Variants in TICRR observed in about 807,000 individuals in gnomAD.
TICRR encodes TOPBP1 interacting checkpoint and replication regulator.
A neutral mutation model predicts 178.1 loss-of-function variants in TICRR; 132 were observed. That is an observed-to-expected ratio of 0.74 (90% CI 0.64 to 0.86). The LOEUF is 0.86. TICRR is among the 40% of genes least tolerant of loss of function. The pLI is 0.00. For missense variants in TICRR, 2,587 were observed against 2,334.3 expected (o/e 1.11, Z -2.23); for synonymous variants, 991 against 900.7 (o/e 1.10, Z -1.79).
chr15:89,611,810 C>CT (rs1270701200), intron 15 of TICRR, among the ~76,000 whole-genome samples: 3 of 152,006 alleles, frequency 2.0e-5, no homozygotes, highest in Non-Finnish European at 2.9e-5. Context: ...CTACTGGATT[C>CT]TTTTTTATCA....
At chr15:89,587,557 A>T (rs1180007610) in intron 4 of TICRR, among the ~76,000 whole-genome samples, 1 of 152,178 alleles carries the variant, frequency 6.6e-6, no homozygotes, top group African/African-American at 2.4e-5. Context: ...TCGCTGAGTT[A>T]AAGAAAACCC....
Position 89,575,885 on chromosome 15 carries a change from C to A in TICRR, c.299C>A (p.Thr100Lys). ...LPGPAPRATH[T>K]HGALMETLLD... ...GGCCCGGCGCCCAGGGCCACCCACACGCACGGCGCCCTGATGGAGACGCTG... is the reference window on the plus strand; with the variant it reads ...GGCCCGGCGCCCAGGGCCACCCACAAGCACGGCGCCCTGATGGAGACGCTG... Residue 100 changes from threonine to lysine, a missense_variant, in exon 1 of 22, where the codon ACG becomes AAG. Coordinates refer to ENST00000268138, the MANE Select transcript of TICRR (RefSeq NM_152259.4). 1 of 1,587,018 alleles carries A rather than the reference C, an allele frequency of 6.3e-7. No individual in the cohort carries two copies.
chr15:89,605,515 A>G (rs993689921), intron 13 of TICRR, among the ~76,000 whole-genome samples: 6 of 152,018 alleles, frequency 3.9e-5, no homozygotes, highest in Admixed American at 3.3e-4. Flanking sequence ...GTGCACCACC[A>G]CGCCTGGCTA....
chr15:89,618,199 A>T lies in TICRR; in HGVS notation c.3008A>T (p.Glu1003Val). 6.2e-7 allele frequency: 1 copy of T among 1,613,922 alleles called. No homozygotes were observed. Among genetic ancestry groups the T allele is most frequent in the Admixed American group, 1.7e-5 (1 of 60,024 alleles). The change falls in exon 17 of 22, where the codon GAA becomes GTA. Residue 1003 changes from glutamate (E) to valine (V), a missense_variant. Coordinates refer to ENST00000268138, the MANE Select transcript of TICRR (RefSeq NM_152259.4). Reference protein sequence around the residue: ...PDIGVVEESPEKGDEISLRRS... With the variant: ...PDIGVVEESPVKGDEISLRRS... ...ATTGGTGTTGTTGAAGAGTCCCCTG[A>T]AAAAGGAGATGGTGAGTGTTATCTC...
chr15:89,622,840 C>A (rs1237787320), intron 19 of TICRR, among the ~76,000 whole-genome samples: 1 of 152,200 alleles, frequency 6.6e-6, no homozygotes, highest in Non-Finnish European at 1.5e-5. Flanking sequence ...TTTGCCTTCC[C>A]CTGCCGACAC....
intron 7 of TICRR, among the ~76,000 whole-genome samples, chr15:89,599,106 G>C (rs1457042361): frequency 6.6e-6 from 1 of 151,836 alleles, no homozygotes; most frequent in East Asian, 1.9e-4. Flanking sequence ...TTGTAGGGCT[G>C]TCCTATGTAT....
At chr15:89,623,599 T>G in intron 19 of TICRR, 24 bp from the exon 20 acceptor site, 1 of 1,577,630 alleles carries the variant, frequency 6.3e-7, no homozygotes, top group East Asian at 2.2e-5. Flanking sequence ...ATTCAAGGAC[T>G]GAAATAAGCA....
chr15:89,626,085 A>AC, intron 21 of TICRR, 24 bp downstream of exon 21: 1 of 1,609,774 alleles, frequency 6.2e-7, no homozygotes, highest in Non-Finnish European at 8.5e-7. Context: ...AAGGTCTAGG[A>AC]CCCTTTCCTG....
At position 89,625,560 on chromosome 15, in the gene TICRR, G is replaced by A. The variant is rs749106035; in HGVS notation, c.5250G>A (p.Ser1750=). Residue 1750 remains serine, a synonymous_variant, in exon 20 of 22, where the codon TCG becomes TCA. Coordinates refer to ENST00000268138, the MANE Select transcript of TICRR (RefSeq NM_152259.4). ...LEGVCQLPDQ[S]PPRNSMPKAE... ...GAGTGTGCCAGCTCCCAGACCAGTC[G>A]CCTCCCAGGAACAGCATGCCTAAGG... 8.9e-5 allele frequency: 144 copies of A among 1,612,932 alleles called. No individual in the cohort carries two copies. The highest frequency in any genetic ancestry group is 9.8e-5 in the Non-Finnish European group (116 of 1,180,020).
Position 89,595,618 on chromosome 15 carries a change from C to T in TICRR, c.1900+7C>T, listed in dbSNP as rs1304184531. The T allele has an allele frequency of 6.2e-7, 1 of 1,607,096 alleles. No homozygotes were observed. Among genetic ancestry groups the T allele is most frequent in the East Asian group, 2.2e-5 (1 of 44,832 alleles). The stretch of plus-strand genomic sequence containing the variant: ...AGAAGTTCTAAACCTAAAGGTATTC[C>T]TCTTAGTCTATAATTTACTCTTTTA... On this transcript the variant is annotated splice_region_variant and intron_variant, in intron 7 of 21. Coordinates refer to ENST00000268138, the MANE Select transcript of TICRR (RefSeq NM_152259.4).
Position 89,624,316 on chromosome 15 carries a change from G to A in TICRR, c.4006G>A (p.Gly1336Arg). Residue 1336 changes from glycine to arginine, a missense_variant, in exon 20 of 22, where the codon GGA becomes AGA. Gly to Arg is a moderately radical substitution (Grantham distance 125). Coordinates refer to ENST00000268138, the MANE Select transcript of TICRR (RefSeq NM_152259.4). ...RKSKIECPSPGELDQKEPQMS... is the reference protein window; with the variant it reads ...RKSKIECPSPRELDQKEPQMS... ...ATCTAAAATAGAGTGTCCTTCCCCA[G>A]GAGAACTGGATCAGAAAGAGCCCCA... 2 of 1,614,162 alleles carry A rather than the reference G, an allele frequency of 1.2e-6. No homozygotes were observed. The highest frequency in any genetic ancestry group is 1.7e-5 in the Admixed American group (1 of 60,014).
At chr15:89,622,104 G>C (rs961051050) in intron 19 of TICRR, among the ~76,000 whole-genome samples, 2 of 147,008 alleles carry the variant, frequency 1.4e-5, no homozygotes, top group Admixed American at 1.4e-4. Context: ...TCCTGCCTCA[G>C]CCTCCTAAGT....
chr15:89,626,856 A>C, intron 21 of TICRR, 100 bp from the exon 22 acceptor site: 2 of 1,338,586 alleles, frequency 1.5e-6, no homozygotes, highest in Non-Finnish European at 2.1e-6. Flanking sequence ...TGATTTTCTT[A>C]AAGTCTGTTT....
rs776315473 is a variant in TICRR at position 89,616,489 on chromosome 15, A to G, written c.2954A>G (p.Lys985Arg). The G allele has an allele frequency of 6.2e-7, 1 of 1,613,800 alleles. No individual in the cohort carries two copies. Residue 985 changes from lysine (K) to arginine (R), a missense_variant, in exon 16 of 22, where the codon AAG becomes AGG. Physicochemically the swap from Lys to Arg is conservative, Grantham distance 26. Transcript: ENST00000268138. ...AAAAGGCTGCTGCACAGACAAATCA[A>G]GGGCAGGTGAGTGACATCCCCATCC... is the stretch of plus-strand genomic sequence containing the variant. The part of the protein sequence containing the change: ...ISKRLLHRQI[K>R]GRSSDPGPDI...
In TICRR at chr15:89,608,133, C is replaced by T. The variant is rs1387323428; in HGVS notation, c.2723-670C>T. On this transcript the variant is annotated intron_variant, in intron 14 of 21. Transcript: ENST00000268138. The stretch of plus-strand genomic sequence containing the variant: ...TTACTTAAGAATTATGTCCATCTTA[C>T]ATTGAGTAGCTTCTAACTCAATAAG... 3.3e-5 allele frequency among the ~76,000 whole-genome samples: 5 copies of T among 152,290 alleles called. No individual in the cohort carries two copies. In the East Asian group the frequency reaches 5.8e-4, roughly 18 times the overall value.
chr15:89,575,571 C>T lies in TICRR; in HGVS notation c.-16C>T, dbSNP rs1490815500. ...GCGGGCCCGGACCGGGGCCCCGGGG[C>T]GGCGGCACGGCCGATATGGCATGCT... On this transcript the variant is annotated 5_prime_UTR_variant, in exon 1 of 22. Coordinates refer to ENST00000268138, the MANE Select transcript of TICRR (RefSeq NM_152259.4). 3 of 1,451,586 alleles carry T rather than the reference C, an allele frequency of 2.1e-6. No homozygotes were observed. The highest frequency in any genetic ancestry group is 1.5e-5 in the African/African-American group (1 of 68,778). The allele number at this position is 1,451,586 out of a possible 1,614,324, so 89.9% of individuals were successfully genotyped here.
intron 15 of TICRR, among the ~76,000 whole-genome samples, chr15:89,613,094 T>G (rs1175635034): frequency 6.6e-6 from 1 of 152,226 alleles, no homozygotes; most frequent in Non-Finnish European, 1.5e-5. Flanking sequence ...AGGACTCCTT[T>G]TAGTATTATT....
chr15:89,619,063 A>C lies in TICRR; in HGVS notation c.3020-645A>C, dbSNP rs564883146. Among the ~76,000 whole-genome samples the C allele has an allele frequency of 1.8e-4, 27 of 152,356 alleles. No individual in the cohort carries two copies. In the South Asian group the frequency reaches 5.2e-3, roughly 29 times the overall value. On this transcript the variant is annotated intron_variant, in intron 17 of 21. Transcript: ENST00000268138. Reference sequence around the variant, plus strand: ...ATTTATTGTGGAAAAAACAGGAAACATGAAGCCAAAAATTTTAAAGCACTT... The same window carrying C: ...ATTTATTGTGGAAAAAACAGGAAACCTGAAGCCAAAAATTTTAAAGCACTT...
At chr15:89,626,101 G>C (rs752125183) in intron 21 of TICRR, 40 bp downstream of exon 21, 3 of 1,601,178 alleles carry the variant, frequency 1.9e-6, no homozygotes, top group South Asian at 2.3e-5. Flanking sequence ...TCCTGTGACA[G>C]ACTGTCTGAA....
Sources: gnomAD v4.1 joint callset for allele counts (sites outside exome capture counted in the v4.1 genomes callset) on GRCh38, gnomAD v4.1.1 for gene constraint, MANE v1.5 for transcripts, NCBI Gene and HGNC (gene_info 2026-07-23, HGNC 2026-07-21) for gene names.